The following TMCO5A variants were observed in gnomAD, a reference collection of about 807,000 sequenced individuals.
TMCO5A encodes the protein transmembrane and coiled-coil domains 5A, also known as transmembrane and coiled-coil domain-containing protein 5A.
Under a neutral mutation model 42.3 loss-of-function variants are expected in TMCO5A, and 34 were observed. That is an observed-to-expected ratio of 0.80 (90% CI 0.61 to 1.07). The LOEUF is 1.07. TMCO5A is among the 50% of genes least tolerant of loss of function. The pLI, the probability that TMCO5A is intolerant of heterozygous loss-of-function variation, is 0.00. For synonymous variants in TMCO5A, 131 were observed against 115.6 expected, an observed-to-expected ratio of 1.13 and a Z score of -0.86; for missense variants, 357 against 327.9, an observed-to-expected ratio of 1.09 and a Z score of -0.69.
At chr15:37,976,137 C>T in the TMCO5A span, among the ~76,000 whole-genome samples, 4,544 of 151,596 alleles carry the variant, frequency 0.03, 108 homozygotes, top group South Asian at 0.047. Flanking sequence ...CCCAGCTACT[C>T]GGGAGGCTGA....
chr15:38,012,103 G>A, the TMCO5A span, among the ~76,000 whole-genome samples: 22 of 149,442 alleles, frequency 1.5e-4, no homozygotes, highest in Admixed American at 3.4e-4. Context: ...CACCCTAGGT[G>A]ACAGAGCGAG....
chr15:37,988,677 T>C, the TMCO5A span, among the ~76,000 whole-genome samples: 3 of 152,108 alleles, frequency 2.0e-5, no homozygotes, highest in South Asian at 6.2e-4. Context: ...TGGACCATCC[T>C]TGCATTCCAG....
chr15:37,935,833 G>A (rs1169944778), intron 2 of TMCO5A, among the ~76,000 whole-genome samples: 1 of 152,132 alleles, frequency 6.6e-6, no homozygotes, highest in East Asian at 1.9e-4. Context: ...GTGGGAGAAG[G>A]AAGGGAAAGA....
chr15:37,940,253 A>G (rs975267792), intron 6 of TMCO5A, among the ~76,000 whole-genome samples: 1 of 152,134 alleles, frequency 6.6e-6, no homozygotes, highest in Non-Finnish European at 1.5e-5. Context: ...TTTAGAAGCC[A>G]CAAGGCCCTG....
intron 1 of TMCO5A, 85 bp from the exon 2 acceptor site, chr15:37,935,172 C>G (rs895091148): frequency 3.1e-4 from 47 of 152,190 alleles, no homozygotes; most frequent in African/African-American, 1.1e-3. Context: ...TTGATTTCTA[C>G]TTTTTGGGAC....
At chr15:37,986,190 A>G in the TMCO5A span, among the ~76,000 whole-genome samples, 1 of 152,286 alleles carries the variant, frequency 6.6e-6, no homozygotes, top group Admixed American at 6.5e-5. Context: ...AGGCTTGCAC[A>G]TAGTGAACAT....
At chr15:38,016,338 T>G in the TMCO5A span, among the ~76,000 whole-genome samples, 4 of 152,210 alleles carry the variant, frequency 2.6e-5, no homozygotes, top group Admixed American at 1.3e-4. Context: ...AGAATATTTG[T>G]GCCACTTATG....
At chr15:37,954,760 A>T (rs999819837), downstream of TMCO5A, among the ~76,000 whole-genome samples, 2 of 152,164 alleles carry the variant, frequency 1.3e-5, no homozygotes, top group Non-Finnish European at 2.9e-5. Flanking sequence ...CATAGACAGT[A>T]TAATAAAATA....
At chr15:38,020,705 A>G in the TMCO5A span, among the ~76,000 whole-genome samples, 1 of 152,244 alleles carries the variant, frequency 6.6e-6, no homozygotes, top group African/African-American at 2.4e-5. Context: ...AAAGCATCAC[A>G]TTAAACATCT....
At chr15:37,972,618 G>A (rs991923906), downstream of TMCO5A, among the ~76,000 whole-genome samples, 9 of 151,970 alleles carry the variant, frequency 5.9e-5, no homozygotes, top group Admixed American at 4.6e-4. Flanking sequence ...CTTTGTTCAC[G>A]TTTTAATGGG....
intron 10 of TMCO5A, among the ~76,000 whole-genome samples, chr15:37,947,135 T>C (rs1566918484): frequency 6.6e-6 from 1 of 152,206 alleles, no homozygotes; most frequent in Non-Finnish European, 1.5e-5. Flanking sequence ...TTTAGTTCTG[T>C]TTATGTGATG....
At chr15:37,981,992 C>T in the TMCO5A span, among the ~76,000 whole-genome samples, 14 of 152,166 alleles carry the variant, frequency 9.2e-5, no homozygotes, top group Non-Finnish European at 2.1e-4. Context: ...CAGTAGAGGC[C>T]ACTATTCCAT....
chr15:38,008,629 C>T, the TMCO5A span, among the ~76,000 whole-genome samples: 2 of 152,266 alleles, frequency 1.3e-5, no homozygotes, highest in South Asian at 2.1e-4. Flanking sequence ...CTTCTGATAT[C>T]CCTGGGGCAG....
chr15:37,938,865 A>C (rs929731992), intron 6 of TMCO5A, among the ~76,000 whole-genome samples: 4 of 152,052 alleles, frequency 2.6e-5, no homozygotes, highest in African/African-American at 9.7e-5. Flanking sequence ...AGAGCTAAGA[A>C]CCTGAGACCA....
In TMCO5A at chr15:37,936,918, C is replaced by G; in HGVS notation, c.212C>G (p.Thr71Arg). Residue 71 changes from threonine (T) to arginine (R), a missense_variant, in exon 4 of 12, where the codon ACG (threonine) becomes AGG (arginine). Coordinates refer to ENST00000319669, the MANE Select transcript of TMCO5A (RefSeq NM_152453.4). ...DEEWEKENRT[T>R]MERERALQEL... is the part of the protein sequence containing the mutation. ...GAGTGGGAGAAGGAGAACCGCACCACGATGGAAAGGGAAAGAGCCTTGCAG... is the reference window on the plus strand; with the variant it reads ...GAGTGGGAGAAGGAGAACCGCACCAGGATGGAAAGGGAAAGAGCCTTGCAG... 2 of 1,612,420 alleles carry G rather than the reference C, an allele frequency of 1.2e-6. No homozygotes were observed. The highest frequency in any genetic ancestry group is 1.7e-6 in the Non-Finnish European group (2 of 1,179,146).
chr15:37,960,081 T>C (rs947820569), intron 11 of TMCO5A, among the ~76,000 whole-genome samples: 3 of 151,962 alleles, frequency 2.0e-5, no homozygotes, highest in Admixed American at 2.0e-4. Flanking sequence ...TTAGTGGTGA[T>C]TTGTGAGATT....
the TMCO5A span, among the ~76,000 whole-genome samples, chr15:37,990,662 G>A: frequency 6.6e-6 from 1 of 151,716 alleles, no homozygotes; most frequent in African/African-American, 2.4e-5. Context: ...TGGTCATTTT[G>A]CTATATTTTT....
At chr15:38,010,974 T>C in the TMCO5A span, among the ~76,000 whole-genome samples, 1 of 152,188 alleles carries the variant, frequency 6.6e-6, no homozygotes, top group Non-Finnish European at 1.5e-5. Context: ...CTCAAACTCC[T>C]GGCCTGAAGT....
At chr15:37,982,578 A>G in the TMCO5A span, among the ~76,000 whole-genome samples, 5 of 72,934 alleles carry the variant, frequency 6.9e-5, 1 homozygote, top group Admixed American at 7.0e-4. Context: ...ATATTATTTA[A>G]TATATTATAT....
Sources: gnomAD v4.1 joint callset for allele counts (sites outside exome capture counted in the v4.1 genomes callset) on GRCh38, gnomAD v4.1.1 for gene constraint, MANE v1.5 for transcripts, NCBI Gene and HGNC (gene_info 2026-07-23, HGNC 2026-07-21) for gene names.